The following PCNX3 variants were observed in gnomAD, a reference collection of about 807,000 sequenced individuals.
The protein encoded by PCNX3 is pecanex-like protein 3.
A neutral mutation model predicts 207.2 loss-of-function variants in PCNX3; 58 were observed. That is an observed-to-expected ratio of 0.28 (90% CI 0.23 to 0.35). PCNX3 has a LOEUF of 0.35. Ranked by LOEUF, PCNX3 falls within the 10% of genes least tolerant of loss-of-function variation. The probability of loss-of-function intolerance (pLI) is 1.00; values close to 1 mark genes in which losing one functional copy is unlikely to be tolerated. For missense variants in PCNX3, 2,410 were observed against 2,774.4 expected (o/e 0.87, Z 2.95); for synonymous variants, 1,337 against 1,183.5 (o/e 1.13, Z -2.66).
In PCNX3 at chr11:65,616,404, C is replaced by T. The variant is rs376547438; in HGVS notation, c.93C>T (p.Ser31=). ...WFFDPHQSTF[S]NCFHLYVWIF... is the part of the protein sequence containing the mutation. ...TCGACCCGCACCAGAGCACCTTCTC[C>T]AACTGCTTCCACCTCTATGTCTGGA... The change falls in exon 1 of 35, where the codon TCC becomes TCT. Residue 31 remains serine, a synonymous_variant. Coordinates refer to ENST00000355703, the MANE Select transcript of PCNX3 (RefSeq NM_032223.4). 1.1e-4 allele frequency: 171 copies of T among 1,610,684 alleles called. No individual in the cohort carries two copies. Among genetic ancestry groups the T allele is most frequent in the Non-Finnish European group, 1.4e-4 (166 of 1,179,516 alleles).
At position 65,636,435 on chromosome 11, in the gene PCNX3, C is replaced by G; in HGVS notation, c.5638C>G (p.Arg1880Gly). ...CCCACCAGGCCCTGGCTGGGGGCCG[C>G]GGTCCTCCCTGAGTGGCTCTGGTGA... is the stretch of plus-strand genomic sequence containing the variant. ...PLPPGPGWGP[R>G]SSLSGSGDGR... Residue 1880 changes from arginine to glycine, a missense_variant, in exon 34 of 35, where the codon CGG (arginine) becomes GGG (glycine). By Grantham distance (125) the Arg-to-Gly change is moderately radical. Coordinates refer to ENST00000355703, the MANE Select transcript of PCNX3 (RefSeq NM_032223.4). 9.6e-6 allele frequency: 15 copies of G among 1,555,204 alleles called. No individual in the cohort carries two copies. The highest frequency in any genetic ancestry group is 1.3e-5 in the Non-Finnish European group (15 of 1,151,930).
rs1444700607 is a variant in PCNX3 at position 65,616,842 on chromosome 11, A to T, written c.172A>T (p.Met58Leu). Reference protein sequence around the residue: ...LLYMVLPPSLMVAGVYCLVVA... With the variant: ...LLYMVLPPSLLVAGVYCLVVA... Reference sequence around the variant, plus strand: ...TCTTCAGGTCCTGCCTCCCAGCTTGATGGTGGCCGGCGTGTACTGCCTCGT... The same window carrying T: ...TCTTCAGGTCCTGCCTCCCAGCTTGTTGGTGGCCGGCGTGTACTGCCTCGT... The change falls in exon 2 of 35, where the codon ATG becomes TTG. Residue 58 changes from methionine to leucine, a missense_variant. Coordinates refer to ENST00000355703, the MANE Select transcript of PCNX3 (RefSeq NM_032223.4). The T allele has an allele frequency of 9.3e-6, 15 of 1,612,742 alleles. No individual in the cohort carries two copies. Among genetic ancestry groups the T allele is most frequent in the Non-Finnish European group, 1.3e-5 (15 of 1,179,206 alleles).
intron 10 of PCNX3, 180 bp from the exon 11 acceptor site, chr11:65,622,065 T>G: frequency 4.2e-6 from 3 of 719,154 alleles, no homozygotes; most frequent in Non-Finnish European, 5.1e-6. Flanking sequence ...AGATGAAGGG[T>G]TCTGGTGGGG....
chr11:65,617,789 G>T, intron 5 of PCNX3, 83 bp downstream of exon 5: 1 of 1,507,108 alleles, frequency 6.6e-7, no homozygotes, highest in South Asian at 1.2e-5. Context: ...GCTCCATCCT[G>T]GGTCTCCTCT....
intron 15 of PCNX3, 137 bp downstream of exon 15, chr11:65,624,718 C>A: frequency 1.1e-6 from 1 of 935,266 alleles, no homozygotes; most frequent in Non-Finnish European, 1.6e-6. Context: ...TGCCTTCTCC[C>A]CTCTCCTTCC....
intron 7 of PCNX3, 35 bp from the exon 8 acceptor site, chr11:65,619,719 C>G (rs902840627): frequency 6.4e-7 from 1 of 1,561,590 alleles, no homozygotes; most frequent in Non-Finnish European, 8.6e-7. Context: ...CCCGCAAGCT[C>G]TAGCTGGCGC....
Position 65,626,889 on chromosome 11 carries a change from G to T in PCNX3, c.3380-15G>T. 1 of 1,578,422 alleles carries T rather than the reference G, an allele frequency of 6.3e-7. No individual in the cohort carries two copies. Reference sequence around the variant, plus strand: ...ATGTGGAAGCCAGGTGCAGAGTCCTGGCCTCTCCACACAGGTGCCGCCCAG... The same window carrying T: ...ATGTGGAAGCCAGGTGCAGAGTCCTTGCCTCTCCACACAGGTGCCGCCCAG... On this transcript the variant is annotated splice_polypyrimidine_tract_variant and intron_variant, in intron 20 of 34. Transcript: ENST00000355703.
chr11:65,629,098 G>T, intron 24 of PCNX3, 150 bp downstream of exon 24: 1 of 1,261,578 alleles, frequency 7.9e-7, no homozygotes. Flanking sequence ...ATCCAATGCA[G>T]GGAGAGCCTG....
In PCNX3 at chr11:65,629,807, C is replaced by T. The variant is rs116020871; in HGVS notation, c.4216+72C>T. 385 of 1,480,898 alleles carry T rather than the reference C, an allele frequency of 2.6e-4. No individual in the cohort carries two copies. The African/African-American group carries it at 4.6e-3, about 18-fold the overall frequency. The allele number at this position is 1,480,898 out of a possible 1,614,324, so 91.7% of individuals were successfully genotyped here. ...GATGTGGGAGCTGTGTTCAATAGCACGTGCGAAGGAGGTCCAGTCCAGCTC... is the reference window on the plus strand; with the variant it reads ...GATGTGGGAGCTGTGTTCAATAGCATGTGCGAAGGAGGTCCAGTCCAGCTC... On this transcript the variant is annotated intron_variant, in intron 26 of 34. Coordinates refer to ENST00000355703, the MANE Select transcript of PCNX3 (RefSeq NM_032223.4).
intron 27 of PCNX3, among the ~76,000 whole-genome samples, chr11:65,633,233 C>T (rs533275809): frequency 3.2e-4 from 49 of 152,334 alleles, no homozygotes; most frequent in African/African-American, 1.0e-3. Flanking sequence ...TTAACCCGCC[C>T]GTGCATCCTG....
Position 65,619,792 on chromosome 11 carries a change from A to G in PCNX3, c.1868A>G (p.His623Arg), listed in dbSNP as rs1309106278. ...QEAQRGRAAS[H>R]SRALTLPSAL... is the part of the protein sequence containing the mutation. Reference sequence around the variant, plus strand: ...GCTCAGCGGGGCCGGGCTGCCTCCCACTCCCGGGCGCTGACGCTGCCCTCT... The same window carrying G: ...GCTCAGCGGGGCCGGGCTGCCTCCCGCTCCCGGGCGCTGACGCTGCCCTCT... The change falls in exon 8 of 35, where the codon CAC (histidine) becomes CGC (arginine). Residue 623 changes from histidine (H) to arginine (R), a missense_variant. Physicochemically the swap from His to Arg is conservative, Grantham distance 29. Coordinates refer to ENST00000355703, the MANE Select transcript of PCNX3 (RefSeq NM_032223.4). The G allele has an allele frequency of 6.3e-7, 1 of 1,586,956 alleles. No homozygotes were observed.
chr11:65,635,624 C>T lies in PCNX3; in HGVS notation c.5280C>T (p.Asn1760=), dbSNP rs373812564. ...NRNPERGSIQ[N]AKQALRNMIN... is the part of the protein sequence containing the mutation. ...ACCCCGAGCGTGGCAGCATCCAGAA[C>T]GCCAAGCAGGCGCTTCGCAACATGA... is the stretch of plus-strand genomic sequence containing the variant. The change falls in exon 32 of 35, where the codon AAC becomes AAT. Residue 1760 remains asparagine, a synonymous_variant. Coordinates refer to ENST00000355703, the MANE Select transcript of PCNX3 (RefSeq NM_032223.4). The surrounding 1 kb of genome is among the most constrained non-coding windows in gnomAD (Gnocchi z 9.9). 78 of 1,612,764 alleles carry T rather than the reference C, an allele frequency of 4.8e-5. No homozygotes were observed. The highest frequency in any genetic ancestry group is 1.6e-4 in the Middle Eastern group (1 of 6,084).
rs748832469 is a variant in PCNX3 at position 65,636,915 on chromosome 11, G to T, written c.6042G>T (p.Trp2014Cys). The T allele has an allele frequency of 1.4e-5, 22 of 1,560,270 alleles. No homozygotes were observed. Among genetic ancestry groups the T allele is most frequent in the Non-Finnish European group, 1.8e-5 (21 of 1,152,590 alleles). Residue 2014 changes from tryptophan to cysteine, a missense_variant, in exon 35 of 35, where the codon TGG (tryptophan) becomes TGT (cysteine). Coordinates refer to ENST00000355703, the MANE Select transcript of PCNX3 (RefSeq NM_032223.4). ...SGTPMGALGD[W>C]PAPIEERESP... ...CACCTATGGGTGCCCTGGGCGACTG[G>T]CCTGCCCCTATTGAGGAGCGTGAGA...
At chr11:65,619,112 G>C (rs747034170) in intron 6 of PCNX3, 45 bp downstream of exon 6, 22 of 1,495,298 alleles carry the variant, frequency 1.5e-5, no homozygotes, top group Non-Finnish European at 2.0e-5. Flanking sequence ...CGTGAGCTAC[G>C]GGCTTGGGGT....
Position 65,617,359 on chromosome 11 carries a change from C to T in PCNX3, c.441+10C>T. 1 of 1,613,050 alleles carries T rather than the reference C, an allele frequency of 6.2e-7. No individual in the cohort carries two copies. Among genetic ancestry groups the T allele is most frequent in the Non-Finnish European group, 8.5e-7 (1 of 1,179,574 alleles). On this transcript the variant is annotated intron_variant, in intron 3 of 34. Transcript: ENST00000355703. ...CTTCAACCAGGTCTCGGTGAGTGGG[C>T]CTGGACCTCAGCTTGTCCTCCTGTC...
Position 65,625,430 on chromosome 11 carries a change from C to T in PCNX3, c.3055C>T (p.Pro1019Ser). Residue 1019 changes from proline to serine, a missense_variant, in exon 18 of 35, where the codon CCT becomes TCT. Around this residue, in one of 8 missense-constraint regions of PCNX3, gnomAD observed 333 missense variants for 386.8 expected, o/e 0.86. Transcript: ENST00000355703. The surrounding 1 kb of genome is among the most constrained non-coding windows in gnomAD (Gnocchi z 5.6). ...LWSLIRSKLF[P>S]ELEERSLETA... Reference sequence around the variant, plus strand: ...GTCTCTGATCCGGAGCAAGCTGTTCCCTGAGCTGGAGGAGCGCAGCTTGGA... The same window carrying T: ...GTCTCTGATCCGGAGCAAGCTGTTCTCTGAGCTGGAGGAGCGCAGCTTGGA... The T allele has an allele frequency of 6.2e-7, 1 of 1,605,574 alleles. No individual in the cohort carries two copies. The highest frequency in any genetic ancestry group is 1.7e-4 in the Middle Eastern group (1 of 6,058).
At position 65,635,188 on chromosome 11, in the gene PCNX3, A is replaced by G. The variant is rs1482299490; in HGVS notation, c.4954-30A>G. 6.3e-7 allele frequency: 1 copy of G among 1,597,610 alleles called. No homozygotes were observed. Among genetic ancestry groups the G allele is most frequent in the Non-Finnish European group, 8.5e-7 (1 of 1,170,924 alleles). Reference sequence around the variant, plus strand: ...GAAGCCTCTCTCCAGGGCAGGGGCCACTGACCCCTGTTCCCGTCTTCTCTA... The same window carrying G: ...GAAGCCTCTCTCCAGGGCAGGGGCCGCTGACCCCTGTTCCCGTCTTCTCTA... On this transcript the variant is annotated intron_variant, in intron 30 of 34. Transcript: ENST00000355703. This position sits in a 1 kb window ranked among gnomAD's most constrained non-coding sequence, Gnocchi z 9.9.
intron 10 of PCNX3, among the ~76,000 whole-genome samples, chr11:65,621,663 C>T (rs1202177994): frequency 1.3e-5 from 2 of 152,344 alleles, no homozygotes; most frequent in South Asian, 4.1e-4. Context: ...TTGCGTGCCT[C>T]TGGCTCGCCA....
At chr11:65,620,743 C>A in intron 9 of PCNX3, 88 bp from the exon 10 acceptor site, 3 of 1,525,910 alleles carry the variant, frequency 2.0e-6, no homozygotes, top group Non-Finnish European at 2.7e-6. Flanking sequence ...ACAGACAGCC[C>A]TACCTGCCTG....
Sources: allele counts gnomAD v4.1 joint callset (sites outside exome capture counted in the v4.1 genomes callset), GRCh38; gene constraint gnomAD v4.1.1; regional missense constraint gnomAD v4.1.1; non-coding constraint Gnocchi (gnomAD v3.1); transcripts MANE v1.5; gene names NCBI Gene and HGNC (gene_info 2026-07-23, HGNC 2026-07-21).